Variants in DNAH11 observed in about 807,000 individuals in gnomAD.
The protein encoded by DNAH11 is axonemal beta dynein heavy chain 11.
In DNAH11, 442 loss-of-function variants were observed where a neutral mutation model predicts 526.0. That is an observed-to-expected ratio of 0.84 (90% CI 0.78 to 0.91). The LOEUF (loss-of-function observed/expected upper bound fraction) is 0.91, where lower values mean the gene tolerates loss of function less well. Among genes scored for constraint, DNAH11 ranks in the 40% least tolerant of loss-of-function variants. The pLI is 0.00. For missense variants in DNAH11, 6,989 were observed against 5,448.7 expected (o/e 1.28, Z -8.90); for synonymous variants, 2,461 against 1,935.9 (o/e 1.27, Z -7.12).
chr7:21,656,329 G>C (rs1479436885), intron 29 of DNAH11, among the ~76,000 whole-genome samples: 1 of 152,116 alleles, frequency 6.6e-6, no homozygotes, highest in African/African-American at 2.4e-5. Flanking sequence ...ACCACTGCTC[G>C]GAGAACAGAG....
intron 65 of DNAH11, 133 bp downstream of exon 65, chr7:21,818,472 C>G: frequency 1.1e-6 from 1 of 898,996 alleles, no homozygotes; most frequent in Non-Finnish European, 1.6e-6. Context: ...TGCACCTACA[C>G]TCCAAGACCA....
At chr7:21,752,472 C>A (rs934892153) in intron 54 of DNAH11, among the ~76,000 whole-genome samples, 3 of 151,974 alleles carry the variant, frequency 2.0e-5, no homozygotes, top group African/African-American at 7.2e-5. Context: ...TGTAAGAGTT[C>A]TATGTATTTA....
At chr7:21,617,203 A>G (rs1312426851) in intron 22 of DNAH11, among the ~76,000 whole-genome samples, 2 of 152,244 alleles carry the variant, frequency 1.3e-5, no homozygotes, top group Admixed American at 6.5e-5. Context: ...AGAAACAGGC[A>G]CTCAAAGGTA....
At chr7:21,763,358 A>AAAAAAAAAG (rs1562531858) in intron 54 of DNAH11, among the ~76,000 whole-genome samples, 5 of 134,696 alleles carry the variant, frequency 3.7e-5, no homozygotes, top group African/African-American at 1.1e-4. Context: ...AAAAAAAAAG[A>AAAAAAAAAG]AAAAAAAAAA....
At chr7:21,709,816 G>T (rs2128480710) in intron 40 of DNAH11, among the ~76,000 whole-genome samples, 2 of 152,182 alleles carry the variant, frequency 1.3e-5, no homozygotes, top group East Asian at 3.9e-4. Flanking sequence ...TATGAATTGT[G>T]GTGGCAAGTT....
intron 25 of DNAH11, among the ~76,000 whole-genome samples, chr7:21,624,579 C>T (rs1452958417): frequency 6.6e-6 from 1 of 152,072 alleles, no homozygotes; most frequent in Non-Finnish European, 1.5e-5. Flanking sequence ...CTAGAACTTC[C>T]AGTACTGTAT....
chr7:21,709,678 T>C (rs1784390234), intron 40 of DNAH11, among the ~76,000 whole-genome samples: 1 of 152,226 alleles, frequency 6.6e-6, no homozygotes, highest in East Asian at 1.9e-4. Context: ...GGACAGTTTT[T>C]ACTGTCTCAG....
In DNAH11 at chr7:21,701,264, CA is replaced by C. The variant is rs141068548; in HGVS notation, c.6181-1441del. On this transcript the variant is annotated intron_variant, in intron 36 of 81. Transcript: ENST00000409508. ...TGCATACACACATGTACAACTGAACCAAAAATTTCACCAAACACTTTTTACT... is the reference window on the plus strand; with the variant it reads ...TGCATACACACATGTACAACTGAACCAAAATTTCACCAAACACTTTTTACT... Among the ~76,000 whole-genome samples the C allele has an allele frequency of 2.0e-3, 307 of 151,042 alleles. 9 individuals are homozygous for C. The East Asian group carries it at 0.051, about 25-fold the overall frequency.
intron 81 of DNAH11, 117 bp downstream of exon 81, chr7:21,900,237 T>G: frequency 9.1e-7 from 1 of 1,101,406 alleles, no homozygotes; most frequent in Admixed American, 3.3e-5. Context: ...CTTATGCTAG[T>G]CATTATCTCA....
chr7:21,648,778 A>T (rs1162303285), intron 28 of DNAH11, among the ~76,000 whole-genome samples: 1 of 152,236 alleles, frequency 6.6e-6, no homozygotes, highest in East Asian at 1.9e-4. Flanking sequence ...TCTTTGTGCT[A>T]CTGATTTAAA....
At position 21,594,063 on chromosome 7, in the gene DNAH11, T is replaced by TACACACACACAC. The variant is rs59727118; in HGVS notation, c.2667+2511_2667+2522dup. Among the ~76,000 whole-genome samples, 1,167 of 137,484 alleles carry TACACACACACAC rather than the reference T, an allele frequency of 8.5e-3. 12 individuals carry two copies. Among genetic ancestry groups the TACACACACACAC allele is most frequent in the South Asian group, 0.035 (136 of 3,846 alleles). 90.2% of individuals were successfully genotyped at this position (137,484 alleles called of 152,430 possible). Reference sequence around the variant, plus strand: ...TCATGCACACTCTTTCATACACACATACACACACACACACACACACACACA... The same window carrying TACACACACACAC: ...TCATGCACACTCTTTCATACACACATACACACACACACACACACACACACACACACACACACA... On this transcript the variant is annotated intron_variant, in intron 14 of 81. Coordinates refer to ENST00000409508, the MANE Select transcript of DNAH11 (RefSeq NM_001277115.2).
At position 21,556,907 on chromosome 7, in the gene DNAH11, G is replaced by A. The variant is rs1365327004; in HGVS notation, c.496-1895G>A. On this transcript the variant is annotated intron_variant, in intron 2 of 81. Coordinates refer to ENST00000409508, the MANE Select transcript of DNAH11 (RefSeq NM_001277115.2). ...CAAAATCTCGTCTCTACTAAAATAC[G>A]AAAACTAGCTGGGCATGGTGGCACA... 5.9e-5 allele frequency among the ~76,000 whole-genome samples: 9 copies of A among 152,002 alleles called. No homozygotes were observed. The East Asian group carries it at 1.5e-3, about 26-fold the overall frequency.
chr7:21,561,118 A>G lies in DNAH11; in HGVS notation c.930A>G (p.Lys310=). 2 of 1,605,598 alleles carry G rather than the reference A, an allele frequency of 1.2e-6. No individual in the cohort carries two copies. The highest frequency in any genetic ancestry group is 1.7e-6 in the Non-Finnish European group (2 of 1,175,810). ...AAATGGTTAAGATCCTGACAACTAAACAAAGCAGCTATTTTCCTACTCTGA... is the reference window on the plus strand; with the variant it reads ...AAATGGTTAAGATCCTGACAACTAAGCAAAGCAGCTATTTTCCTACTCTGA... ...VLKMVKILTT[K]QSSYFPTLKD... is the part of the protein sequence containing the mutation. Residue 310 remains lysine (K), a synonymous_variant, in exon 5 of 82, where the codon AAA becomes AAG. Transcript: ENST00000409508.
chr7:21,658,553 G>C (rs894842962), intron 29 of DNAH11, among the ~76,000 whole-genome samples: 3 of 152,080 alleles, frequency 2.0e-5, no homozygotes, highest in Non-Finnish European at 4.4e-5. Context: ...AAAGTTGTTA[G>C]CCAGCTGGTG....
rs113097766 is a variant in DNAH11, at chr7:21,798,429, C to G, written c.10027-2708C>G. Among the ~76,000 whole-genome samples the G allele has an allele frequency of 1.6e-3, 241 of 152,326 alleles. 1 individual carries two copies. The highest frequency in any genetic ancestry group is 5.6e-3 in the African/African-American group (233 of 41,588). The stretch of plus-strand genomic sequence containing the variant: ...ACATTTTTAAACTCGAAGATGGATA[C>G]TCTTAACTATACAGTATACCATGTG... On this transcript the variant is annotated intron_variant, in intron 61 of 81. Coordinates refer to ENST00000409508, the MANE Select transcript of DNAH11 (RefSeq NM_001277115.2).
rs369682703 is a variant in DNAH11 at position 21,801,201 on chromosome 7, G to T, written c.10091G>T (p.Arg3364Leu). 1.5e-5 allele frequency: 24 copies of T among 1,613,252 alleles called. No individual in the cohort carries two copies. Among genetic ancestry groups the T allele is most frequent in the Non-Finnish European group, 1.9e-5 (23 of 1,179,652 alleles). Residue 3364 changes from arginine to leucine, a missense_variant, in exon 62 of 82, where the codon CGG becomes CTG. Transcript: ENST00000409508. ...SFEKATAEKV[R>L]CQEEVNQTNK... Reference sequence around the variant, plus strand: ...GAAAAAGCAACAGCTGAGAAAGTCCGGTGTCAAGAAGAGGTGAACCAAACC... The same window carrying T: ...GAAAAAGCAACAGCTGAGAAAGTCCTGTGTCAAGAAGAGGTGAACCAAACC...
chr7:21,621,536 C>G (rs921650910), intron 25 of DNAH11, among the ~76,000 whole-genome samples: 2 of 152,070 alleles, frequency 1.3e-5, no homozygotes, highest in Admixed American at 6.6e-5. Context: ...GAATTTTAGA[C>G]CAATATCCTT....
At chr7:21,631,966 G>C (rs2128458271) in intron 25 of DNAH11, among the ~76,000 whole-genome samples, 1 of 152,370 alleles carries the variant, frequency 6.6e-6, no homozygotes, top group East Asian at 1.9e-4. Context: ...TGCCGCTGCA[G>C]CAAACTTCTG....
chr7:21,808,717 A>G (rs1789380799), intron 63 of DNAH11, among the ~76,000 whole-genome samples: 1 of 152,264 alleles, frequency 6.6e-6, no homozygotes, highest in South Asian at 2.1e-4. Context: ...ACAGGATTTC[A>G]TTGTTTTTAT....
Sources: gnomAD v4.1 joint callset for allele counts (sites outside exome capture counted in the v4.1 genomes callset) on GRCh38, gnomAD v4.1.1 for gene constraint, MANE v1.5 for transcripts, NCBI Gene and HGNC (gene_info 2026-07-23, HGNC 2026-07-21) for gene names.